The following EPS15L1 variants were observed in gnomAD, a reference collection of about 807,000 sequenced individuals.
EPS15L1 encodes the protein epidermal growth factor receptor pathway substrate 15 like 1.
EPS15L1 carries 43 observed loss-of-function variants against 117.1 expected under a neutral mutation model. The ratio of observed to expected loss-of-function variants is 0.37; its 90% CI spans 0.29 to 0.47. EPS15L1 has a LOEUF of 0.47. EPS15L1 is among the 20% of genes least tolerant of loss of function. EPS15L1 has a pLI of 0.99. For synonymous variants in EPS15L1, 459 were observed against 470.5 expected (o/e 0.98, Z 0.32); for missense variants, 981 against 1,164.0 (o/e 0.84, Z 2.29).
intron 1 of EPS15L1, among the ~76,000 whole-genome samples, chr19:16,451,819 G>A (rs562047931): frequency 7.6e-4 from 108 of 142,308 alleles, no homozygotes; most frequent in Non-Finnish European, 1.4e-3. Flanking sequence ...GTGAGCCACC[G>A]CGCCTGGCCT....
Position 16,405,309 on chromosome 19 carries a change from C to T in EPS15L1, c.1267-560G>A, listed in dbSNP as rs2092645276. 6.6e-6 allele frequency among the ~76,000 whole-genome samples: 1 copy of T among 152,166 alleles called. No individual in the cohort carries two copies. Among genetic ancestry groups the T allele is most frequent in the African/African-American group, 2.4e-5 (1 of 41,444 alleles). On this transcript the variant is annotated intron_variant, in intron 13 of 23. Transcript: ENST00000455140. The surrounding 1 kb of genome is among the most constrained non-coding windows in gnomAD (Gnocchi z 4.0). ...TAGAGCAAAAGGGAATGGGTGGAGG[C>T]ATCAGAGGCTGCACCCCACAGGCCA...
rs1225594257 is a variant in EPS15L1 at position 16,471,879 on chromosome 19, C to A, written c.33+34G>T. ...GCACCGCTCGCCTCGCGCCCCGCAC[C>A]CCGGCGCCGCCCCCAGGCCCGCCCG... On this transcript the variant is annotated intron_variant, in intron 1 of 23. Coordinates refer to ENST00000455140, the MANE Select transcript of EPS15L1 (RefSeq NM_001258374.3). This position sits in a 1 kb window ranked among gnomAD's most constrained non-coding sequence, Gnocchi z 4.8. 7.1e-6 allele frequency: 9 copies of A among 1,271,378 alleles called. No homozygotes were observed. The allele number at this position is 1,271,378 out of a possible 1,614,324, so 78.8% of individuals were successfully genotyped here.
chr19:16,414,336 A>C (rs2092736503), intron 12 of EPS15L1, among the ~76,000 whole-genome samples: 1 of 152,170 alleles, frequency 6.6e-6, no homozygotes, highest in African/African-American at 2.4e-5. Context: ...ACAAGAGCCC[A>C]GCCCAGCCGA....
chr19:16,417,371 G>A, intron 12 of EPS15L1, 181 bp downstream of exon 12: 1 of 603,196 alleles, frequency 1.7e-6, no homozygotes, highest in South Asian at 1.9e-5. Context: ...GATTCAAATG[G>A]AAGATGTCAT....
At chr19:16,379,452 G>A (rs1179113641) in intron 21 of EPS15L1, among the ~76,000 whole-genome samples, 1 of 152,222 alleles carries the variant, frequency 6.6e-6, no homozygotes, top group African/African-American at 2.4e-5. Flanking sequence ...CAGGTCAAGA[G>A]TACAAAGGCA....
chr19:16,361,658 A>T (rs2092052853), intron 23 of EPS15L1, 121 bp downstream of exon 23: 1 of 1,441,028 alleles, frequency 6.9e-7, no homozygotes, highest in Admixed American at 3.0e-5. Flanking sequence ...AGGGACAGAG[A>T]GTGTGAGGTA....
chr19:16,386,757 G>A (rs1042636076), intron 19 of EPS15L1, among the ~76,000 whole-genome samples: 3 of 152,216 alleles, frequency 2.0e-5, no homozygotes, highest in African/African-American at 7.2e-5. Context: ...CTCTGCACAC[G>A]CAAGCCTGGG....
chr19:16,453,691 C>T (rs919391147), intron 1 of EPS15L1, among the ~76,000 whole-genome samples: 7 of 151,270 alleles, frequency 4.6e-5, no homozygotes, highest in Non-Finnish European at 8.8e-5. Context: ...CCAGCCTGGG[C>T]GACAGAGCGA....
intron 22 of EPS15L1, 137 bp from the exon 23 acceptor site, chr19:16,362,121 G>T: frequency 1.2e-6 from 1 of 865,698 alleles, no homozygotes; most frequent in East Asian, 2.7e-5. Flanking sequence ...CAGGCTGGAC[G>T]GGGGTACCCT....
chr19:16,449,601 A>C (rs892873755), intron 1 of EPS15L1, among the ~76,000 whole-genome samples: 3 of 152,006 alleles, frequency 2.0e-5, no homozygotes, highest in African/African-American at 4.8e-5. Flanking sequence ...ACAAAAAAAA[A>C]CTAAACACAA....
Position 16,402,345 on chromosome 19 carries a change from T to C in EPS15L1, c.1767A>G (p.Ala589=). 6.2e-7 allele frequency: 1 copy of C among 1,612,948 alleles called. No homozygotes were observed. The highest frequency in any genetic ancestry group is 2.2e-5 in the East Asian group (1 of 44,860). The change falls in exon 16 of 24, where the codon GCA becomes GCG. Residue 589 remains alanine (A), a synonymous_variant. Coordinates refer to ENST00000455140, the MANE Select transcript of EPS15L1 (RefSeq NM_001258374.3). The stretch of plus-strand genomic sequence containing the variant: ...CCATGGCTCCAAAACTGCCCCTCTC[T>C]GCCAGGGAGACGCCTTCGCTCAGGT... The part of the protein sequence containing the change: ...LANLSEGVSL[A]ERGSFGAMDD...
At chr19:16,384,386 T>C (rs2092396790) in intron 21 of EPS15L1, 1 of 152,380 alleles carries the variant, frequency 6.6e-6, no homozygotes, top group African/African-American at 2.4e-5. Context: ...CATTTCCAAC[T>C]TTCCAGCAGT....
chr19:16,411,524 G>A (rs1001936046), intron 13 of EPS15L1, among the ~76,000 whole-genome samples: 3 of 152,148 alleles, frequency 2.0e-5, no homozygotes, highest in South Asian at 2.1e-4. Flanking sequence ...TAATCAACAC[G>A]GTGATTATGC....
intron 21 of EPS15L1, chr19:16,384,349 C>G (rs2144736022): frequency 6.6e-6 from 1 of 152,430 alleles, no homozygotes; most frequent in Non-Finnish European, 1.5e-5. Context: ...GTGCCGCAGC[C>G]CTGTCCTTCC....
chr19:16,362,511 CTTTTTTTTTTTTT>C (rs71178690), intron 22 of EPS15L1, among the ~76,000 whole-genome samples: 4 of 56,036 alleles, frequency 7.1e-5, no homozygotes, highest in African/African-American at 1.3e-4. Context: ...GGTTTAAGTT[CTTTTTTTTTTTTT>C]TTTTTTTTTT....
At chr19:16,470,386 C>CA (rs1046298705) in intron 1 of EPS15L1, among the ~76,000 whole-genome samples, 2,161 of 140,936 alleles carry the variant, frequency 0.015, 44 homozygotes, top group African/African-American at 0.043. Context: ...TACTCCATCT[C>CA]AAAAAAAAAA....
chr19:16,410,366 AGT>A (rs1270112036), intron 13 of EPS15L1, among the ~76,000 whole-genome samples: 1 of 152,174 alleles, frequency 6.6e-6, no homozygotes, highest in African/African-American at 2.4e-5. Flanking sequence ...GAAATGGGTA[AGT>A]GTTGGTGAGG....
At chr19:16,367,157 G>C (rs2092144316) in intron 22 of EPS15L1, among the ~76,000 whole-genome samples, 1 of 151,360 alleles carries the variant, frequency 6.6e-6, no homozygotes, top group East Asian at 2.0e-4. Context: ...GAAACATCTG[G>C]GAATGATGGC....
intron 1 of EPS15L1, among the ~76,000 whole-genome samples, chr19:16,464,809 C>T (rs1316650397): frequency 2.0e-5 from 3 of 152,046 alleles, no homozygotes; most frequent in South Asian, 2.1e-4. Flanking sequence ...CACGGGTGGG[C>T]ATGGTGGCTC....
Sources: gnomAD v4.1 joint callset for allele counts (sites outside exome capture counted in the v4.1 genomes callset) on GRCh38, gnomAD v4.1.1 for gene constraint, Gnocchi (gnomAD v3.1) non-coding constraint, MANE v1.5 for transcripts, NCBI Gene and HGNC (gene_info 2026-07-23, HGNC 2026-07-21) for gene names.